Variants in RIPOR3 observed in about 807,000 individuals in gnomAD.
RIPOR3 encodes the protein RIPOR family member 3, also known as family with sequence similarity 65 member C.
In RIPOR3, 95 loss-of-function variants were observed where a neutral mutation model predicts 114.3. The ratio of observed to expected loss-of-function variants is 0.83; its 90% CI spans 0.70 to 0.99. The LOEUF (loss-of-function observed/expected upper bound fraction) is 0.99, where lower values mean the gene tolerates loss of function less well. RIPOR3 is among the 50% of genes least tolerant of loss of function. The pLI is 0.00. For synonymous variants in RIPOR3, 575 were observed against 543.8 expected (o/e 1.06, Z -0.80); for missense variants, 1,252 against 1,266.9 (o/e 0.99, Z 0.18).
chr20:50,587,770 C>A (rs779789648), intron 21 of RIPOR3, 32 bp downstream of exon 21: 18 of 1,610,612 alleles, frequency 1.1e-5, no homozygotes, highest in Non-Finnish European at 1.4e-5. Flanking sequence ...CCAGGCACCC[C>A]GCTGCGCTGC....
chr20:50,661,456 G>A (rs1159141143), intron 1 of RIPOR3, among the ~76,000 whole-genome samples: 1 of 152,158 alleles, frequency 6.6e-6, no homozygotes, highest in Non-Finnish European at 1.5e-5. Flanking sequence ...AATTGGTAGA[G>A]TAGGTTTCTG....
chr20:50,587,052 T>C lies in RIPOR3; in HGVS notation c.*180A>G, dbSNP rs899456628. On this transcript the variant is annotated 3_prime_UTR_variant, in exon 22 of 22. Coordinates refer to ENST00000327979, the MANE Select transcript of RIPOR3 (RefSeq NM_001290268.2). ...CCTTTGCCTTGCTTTTTTCTGCCTC[T>C]GTACAAAAGACCAGCCCATGCCCTG... 1.2e-5 allele frequency: 7 copies of C among 595,838 alleles called. No individual in the cohort carries two copies. The African/African-American group carries it at 1.3e-4, about 11-fold the overall frequency. 36.9% of individuals were successfully genotyped at this position (595,838 alleles called of 1,614,324 possible). A position where few individuals can be genotyped will look rare whatever the true frequency, so the allele number is the denominator to read the frequency against.
Position 50,643,537 on chromosome 20 carries a change from G to A in RIPOR3, c.4-12681C>T, listed in dbSNP as rs138772060. ...AGAGAGACCCATCTCTACAAGAAGTGAAAAAAAAAGTTGGGCACATGTTCT... is the reference window on the plus strand; with the variant it reads ...AGAGAGACCCATCTCTACAAGAAGTAAAAAAAAAAGTTGGGCACATGTTCT... On this transcript the variant is annotated intron_variant, in intron 1 of 21. Transcript: ENST00000327979. Among the ~76,000 whole-genome samples the A allele has an allele frequency of 1.7e-3, 254 of 149,790 alleles. 2 individuals are homozygous for A. Among genetic ancestry groups the A allele is most frequent in the Middle Eastern group, 6.9e-3 (2 of 290 alleles).
At chr20:50,672,331 A>G (rs1210495861) in intron 1 of RIPOR3, among the ~76,000 whole-genome samples, 4 of 152,164 alleles carry the variant, frequency 2.6e-5, no homozygotes, top group Admixed American at 1.3e-4. Flanking sequence ...AGAGTCCTAC[A>G]GTAAAAGGGG....
intron 12 of RIPOR3, among the ~76,000 whole-genome samples, chr20:50,603,278 G>A (rs1035770884): frequency 3.3e-5 from 5 of 152,138 alleles, no homozygotes; most frequent in African/African-American, 1.2e-4. Context: ...TCGCTCTGTT[G>A]CCCAGGCTGG....
intron 1 of RIPOR3, among the ~76,000 whole-genome samples, chr20:50,669,947 A>C (rs1288247467): frequency 1.3e-5 from 2 of 151,964 alleles, no homozygotes; most frequent in African/African-American, 4.8e-5. Context: ...ACCTGAGGTC[A>C]GGAGTTCAAG....
chr20:50,673,968 A>T (rs2086607293), intron 1 of RIPOR3, among the ~76,000 whole-genome samples: 1 of 152,106 alleles, frequency 6.6e-6, no homozygotes, highest in Admixed American at 6.6e-5. Context: ...TGAAATATAC[A>T]CCCCTGGCAA....
At chr20:50,589,797 G>A in intron 19 of RIPOR3, 28 bp from the exon 20 acceptor site, 1 of 1,603,092 alleles carries the variant, frequency 6.2e-7, no homozygotes, top group Non-Finnish European at 8.5e-7. Context: ...GCTGTGAATG[G>A]AGGGGTAAGC....
At chr20:50,622,304 C>T (rs2084442096) in intron 2 of RIPOR3, among the ~76,000 whole-genome samples, 1 of 151,878 alleles carries the variant, frequency 6.6e-6, no homozygotes, top group Admixed American at 6.6e-5. Flanking sequence ...GCCTCAGCCT[C>T]CCAAGTAGCT....
chr20:50,681,080 T>C (rs1359422810), intron 1 of RIPOR3, among the ~76,000 whole-genome samples: 2 of 151,778 alleles, frequency 1.3e-5, no homozygotes, highest in Admixed American at 6.6e-5. Flanking sequence ...AAAAACTGGC[T>C]GGGCGTGGTG....
chr20:50,642,340 CTGTGGGTGTGTGTGTGTGTG>C (rs367675301), intron 1 of RIPOR3, among the ~76,000 whole-genome samples: 36 of 143,708 alleles, frequency 2.5e-4, no homozygotes, highest in Admixed American at 5.6e-4. Context: ...AAATTGTTCT[CTGTGGGTGTGTGTGTGTGTG>C]TGTGTGTGTG....
At chr20:50,659,582 G>A (rs1055102046) in intron 1 of RIPOR3, among the ~76,000 whole-genome samples, 1 of 147,574 alleles carries the variant, frequency 6.8e-6, no homozygotes, top group Non-Finnish European at 1.5e-5. Flanking sequence ...TGGAAGCAGA[G>A]GTTGCAGTGA....
At chr20:50,639,372 G>T (rs981590678) in intron 1 of RIPOR3, among the ~76,000 whole-genome samples, 1 of 152,142 alleles carries the variant, frequency 6.6e-6, no homozygotes, top group African/African-American at 2.4e-5. Context: ...CTGGCCTCAA[G>T]CCTGAGCTCT....
intron 1 of RIPOR3, among the ~76,000 whole-genome samples, chr20:50,635,375 C>A (rs1167035979): frequency 2.0e-5 from 3 of 151,900 alleles, no homozygotes; most frequent in Non-Finnish European, 4.4e-5. Context: ...AGGCTCATGC[C>A]AGGCGTGGCG....
intron 2 of RIPOR3, among the ~76,000 whole-genome samples, chr20:50,624,991 G>A (rs2084564215): frequency 6.6e-6 from 1 of 152,224 alleles, no homozygotes; most frequent in Non-Finnish European, 1.5e-5. Flanking sequence ...CCAGGTGCCT[G>A]GCGGTGCTGG....
intron 1 of RIPOR3, among the ~76,000 whole-genome samples, chr20:50,633,924 G>A (rs1014531846): frequency 1.3e-5 from 2 of 151,810 alleles, no homozygotes; most frequent in Non-Finnish European, 2.9e-5. Context: ...GGTGAGAGGC[G>A]ACTCAGGGAC....
At chr20:50,623,631 C>A (rs745786551) in intron 2 of RIPOR3, among the ~76,000 whole-genome samples, 14 of 152,114 alleles carry the variant, frequency 9.2e-5, no homozygotes, top group Non-Finnish European at 1.9e-4. Context: ...TTTACAATGA[C>A]AAGTAATGTC....
chr20:50,688,584 C>T (rs6067513), intron 1 of RIPOR3, among the ~76,000 whole-genome samples: 102,257 of 152,136 alleles, frequency 0.67, 35,618 homozygotes, highest in Non-Finnish European at 0.75. Context: ...CACAAGCTGG[C>T]ACAAGCTGCC....
intron 1 of RIPOR3, among the ~76,000 whole-genome samples, chr20:50,652,608 AAAAAAG>A (rs1285740383): frequency 4.6e-3 from 668 of 146,366 alleles, no homozygotes; most frequent in Middle Eastern, 0.014. Flanking sequence ...AAAAAAAAAA[AAAAAAG>A]AAAAGAAAAG....
Sources: allele counts gnomAD v4.1 joint callset (sites outside exome capture counted in the v4.1 genomes callset), GRCh38; gene constraint gnomAD v4.1.1; transcripts MANE v1.5; gene names NCBI Gene and HGNC (gene_info 2026-07-23, HGNC 2026-07-21).